UBAC2: variants seen among roughly 807,000 people sequenced by gnomAD.
UBAC2 encodes ubiquitin-associated domain-containing protein 2.
Under a neutral mutation model 44.0 loss-of-function variants are expected in UBAC2, and 26 were observed. That is an observed-to-expected ratio of 0.59 (90% CI 0.43 to 0.82). The LOEUF is 0.82. UBAC2 is among the 40% of genes least tolerant of loss of function. UBAC2 has a pLI of 0.00. For synonymous variants in UBAC2, 155 were observed against 154.3 expected, an observed-to-expected ratio of 1.00 and a Z score of -0.04; for missense variants, 329 against 419.4, an observed-to-expected ratio of 0.78 and a Z score of 1.88.
chr13:99,288,035 G>GCC (rs2044042573), intron 4 of UBAC2, among the ~76,000 whole-genome samples: 1 of 152,102 alleles, frequency 6.6e-6, no homozygotes, highest in Non-Finnish European at 1.5e-5. Flanking sequence ...GATACTTCAT[G>GCC]CCAGGACTTG....
intron 4 of UBAC2, among the ~76,000 whole-genome samples, chr13:99,293,034 T>C (rs760197229): frequency 1.3e-5 from 2 of 152,132 alleles, no homozygotes; most frequent in Non-Finnish European, 2.9e-5. Context: ...AACAGTGGCT[T>C]GATGAGTAGA....
chr13:99,267,776 G>A (rs975765837), intron 4 of UBAC2, among the ~76,000 whole-genome samples: 12 of 152,162 alleles, frequency 7.9e-5, no homozygotes, highest in Non-Finnish European at 2.9e-5. Flanking sequence ...AAAATATAGT[G>A]TGTTTGCTCA....
At chr13:99,374,748 C>T (rs1016400791) in intron 8 of UBAC2, among the ~76,000 whole-genome samples, 1 of 152,148 alleles carries the variant, frequency 6.6e-6, no homozygotes. Flanking sequence ...CCAAGCATGG[C>T]AGCACATTGG....
intron 1 of UBAC2, among the ~76,000 whole-genome samples, chr13:99,218,941 C>A (rs2043026048): frequency 6.6e-6 from 1 of 152,128 alleles, no homozygotes; most frequent in African/African-American, 2.4e-5. Context: ...TCTTGCAAGG[C>A]ATGGGTTTAC....
At chr13:99,290,709 C>T (rs1232526656) in intron 4 of UBAC2, among the ~76,000 whole-genome samples, 3 of 139,226 alleles carry the variant, frequency 2.2e-5, no homozygotes, top group African/African-American at 5.4e-5. Flanking sequence ...TGGGTGACAG[C>T]GAGACACCGT....
intron 7 of UBAC2, among the ~76,000 whole-genome samples, chr13:99,341,789 A>G (rs2044893304): frequency 6.6e-6 from 1 of 152,238 alleles, no homozygotes; most frequent in Admixed American, 6.5e-5. Context: ...AGAAATCAGA[A>G]TGATCAAGGT....
At chr13:99,319,531 C>G (rs137897825) in intron 6 of UBAC2, among the ~76,000 whole-genome samples, 96 of 152,298 alleles carry the variant, frequency 6.3e-4, no homozygotes, top group Admixed American at 2.6e-3. Context: ...TGTGTTCATT[C>G]TTTGCTTAAA....
At chr13:99,277,200 T>G (rs1298232554) in intron 4 of UBAC2, among the ~76,000 whole-genome samples, 4 of 152,324 alleles carry the variant, frequency 2.6e-5, no homozygotes, top group Admixed American at 2.0e-4. Flanking sequence ...ACAGAGGAGA[T>G]AAATATGTAT....
intron 6 of UBAC2, among the ~76,000 whole-genome samples, chr13:99,319,022 A>G (rs1053949376): frequency 1.3e-5 from 2 of 152,146 alleles, no homozygotes; most frequent in Non-Finnish European, 2.9e-5. Flanking sequence ...TTTTGTAAAA[A>G]GACATTGTCA....
chr13:99,305,596 T>A (rs1469588951), intron 4 of UBAC2, among the ~76,000 whole-genome samples: 2 of 152,176 alleles, frequency 1.3e-5, no homozygotes, highest in Admixed American at 1.3e-4. Context: ...ATAAATGAAT[T>A]AAAGTCATAT....
chr13:99,300,404 C>A (rs1329287071), intron 4 of UBAC2, among the ~76,000 whole-genome samples: 2 of 152,166 alleles, frequency 1.3e-5, no homozygotes, highest in Admixed American at 6.5e-5. Context: ...CACTTTAGTT[C>A]TTGCTTATAT....
chr13:99,339,597 C>A (rs2044852952), intron 6 of UBAC2, among the ~76,000 whole-genome samples: 1 of 151,768 alleles, frequency 6.6e-6, no homozygotes, highest in Non-Finnish European at 1.5e-5. Context: ...CAAATATGTT[C>A]TAATCTGATC....
intron 1 of UBAC2, among the ~76,000 whole-genome samples, chr13:99,231,836 A>G (rs1375777629): frequency 6.6e-6 from 1 of 152,212 alleles, no homozygotes; most frequent in Non-Finnish European, 1.5e-5. Flanking sequence ...CTGTCTGTGC[A>G]TGAATGGAAT....
At chr13:99,262,714 A>C (rs1394771809) in intron 4 of UBAC2, among the ~76,000 whole-genome samples, 4 of 60,506 alleles carry the variant, frequency 6.6e-5, no homozygotes, top group Non-Finnish European at 1.5e-4. Context: ...CCCTCTCAAA[A>C]AAAAAAAAAA....
At chr13:99,327,125 C>G (rs1357601109) in intron 6 of UBAC2, among the ~76,000 whole-genome samples, 1 of 152,210 alleles carries the variant, frequency 6.6e-6, no homozygotes, top group African/African-American at 2.4e-5. Flanking sequence ...GTTAAAAACT[C>G]AGCTTAAACC....
chr13:99,262,636 G>T (rs1344637684), intron 4 of UBAC2, among the ~76,000 whole-genome samples: 1 of 142,756 alleles, frequency 7.0e-6, no homozygotes, highest in African/African-American at 2.5e-5. Flanking sequence ...CCGGGAGATG[G>T]AGGTTGCAGT....
At chr13:99,327,690 C>T (rs189883651) in intron 6 of UBAC2, among the ~76,000 whole-genome samples, 3 of 152,182 alleles carry the variant, frequency 2.0e-5, no homozygotes, top group Non-Finnish European at 4.4e-5. Flanking sequence ...TAGCTGAGAA[C>T]ATTTTCAAAG....
At chr13:99,310,921 T>C (rs910127867) in intron 4 of UBAC2, among the ~76,000 whole-genome samples, 9 of 152,200 alleles carry the variant, frequency 5.9e-5, no homozygotes, top group Non-Finnish European at 8.8e-5. Flanking sequence ...TGCGATTGGC[T>C]CCCCAAATAG....
Position 99,239,629 on chromosome 13 carries a change from G to A in UBAC2, c.159+1075G>A, listed in dbSNP as rs143090464. On this transcript the variant is annotated intron_variant, in intron 2 of 8. Transcript: ENST00000403766. Reference sequence around the variant, plus strand: ...CTAATTTCTGGAGTTAATTTGGTTCGTTTGGCTAAGCCCACTCTGTGGGCA... The same window carrying A: ...CTAATTTCTGGAGTTAATTTGGTTCATTTGGCTAAGCCCACTCTGTGGGCA... Among the ~76,000 whole-genome samples, 13 of 152,304 alleles carry A rather than the reference G, an allele frequency of 8.5e-5. No individual in the cohort carries two copies. The East Asian group carries it at 2.3e-3, about 27-fold the overall frequency.
Sources: allele counts gnomAD v4.1 joint callset (sites outside exome capture counted in the v4.1 genomes callset), GRCh38; gene constraint gnomAD v4.1.1; transcripts MANE v1.5; gene names NCBI Gene and HGNC (gene_info 2026-07-23, HGNC 2026-07-21).